Variants in PPP3CA observed in about 807,000 individuals in gnomAD.
PPP3CA encodes protein phosphatase 3 catalytic subunit alpha, also known as CAM-PRP catalytic subunit.
In PPP3CA, 14 loss-of-function variants were observed where a neutral mutation model predicts 66.5. The observed-to-expected ratio is 0.21, with a 90% CI of 0.14 to 0.33. The LOEUF (loss-of-function observed/expected upper bound fraction) is 0.33. Ranked by LOEUF, PPP3CA falls within the 10% of genes least tolerant of loss-of-function variation. PPP3CA has a pLI of 1.00. For missense variants in PPP3CA, 317 were observed against 639.5 expected (o/e 0.50, Z 5.44); for synonymous variants, 232 against 226.2 (o/e 1.03, Z -0.23).
At chr4:101,346,061 T>TCCCGCGCCC (rs1330762318) in intron 1 of PPP3CA, among the ~76,000 whole-genome samples, 18 of 151,988 alleles carry the variant, frequency 1.2e-4, no homozygotes, top group Non-Finnish European at 2.1e-4. Context: ...GTTCCCCGCC[T>TCCCGCGCCC]CCCGCGCCCC....
At chr4:101,112,200 T>C (rs754710054) in intron 2 of PPP3CA, among the ~76,000 whole-genome samples, 1 of 152,010 alleles carries the variant, frequency 6.6e-6, no homozygotes, top group African/African-American at 2.4e-5. Flanking sequence ...GAAAAAAAAA[T>C]GTCTCTAGAC....
At chr4:101,262,859 A>C (rs1727050969) in intron 1 of PPP3CA, among the ~76,000 whole-genome samples, 1 of 152,154 alleles carries the variant, frequency 6.6e-6, no homozygotes, top group Non-Finnish European at 1.5e-5. Flanking sequence ...AATTTGTATT[A>C]AGCTTTACAC....
chr4:101,184,898 C>A (rs534021792), intron 2 of PPP3CA, among the ~76,000 whole-genome samples: 10 of 152,224 alleles, frequency 6.6e-5, no homozygotes, highest in Admixed American at 5.2e-4. Flanking sequence ...TATGGCTGCA[C>A]ACTGCCGCAT....
chr4:101,267,574 T>C (rs1278427941), intron 1 of PPP3CA, among the ~76,000 whole-genome samples: 3 of 151,996 alleles, frequency 2.0e-5, no homozygotes, highest in Non-Finnish European at 4.4e-5. Flanking sequence ...TATACTGAGA[T>C]GGGAGGCAGG....
chr4:101,153,181 A>G (rs1360758420), intron 2 of PPP3CA, among the ~76,000 whole-genome samples: 1 of 152,168 alleles, frequency 6.6e-6, no homozygotes, highest in Non-Finnish European at 1.5e-5. Context: ...ATGCTATTAA[A>G]GGGTTTTGTG....
chr4:101,329,031 T>C (rs1399493628), intron 1 of PPP3CA, among the ~76,000 whole-genome samples: 2 of 152,058 alleles, frequency 1.3e-5, no homozygotes, highest in Non-Finnish European at 1.5e-5. Flanking sequence ...GTTGCACATG[T>C]TTCACTTTAA....
chr4:101,313,273 T>A (rs1014701571), intron 1 of PPP3CA, among the ~76,000 whole-genome samples: 17 of 152,264 alleles, frequency 1.1e-4, no homozygotes, highest in Middle Eastern at 6.8e-3. Context: ...ACAATTCTCC[T>A]ACCTCAGCAT....
intron 1 of PPP3CA, among the ~76,000 whole-genome samples, chr4:101,287,642 C>T (rs866841917): frequency 2.6e-5 from 4 of 152,126 alleles, no homozygotes; most frequent in Non-Finnish European, 5.9e-5. Context: ...ATTCTACAGC[C>T]AGGACAAGAA....
chr4:101,345,828 A>G lies in PPP3CA; in HGVS notation c.58+911T>C, dbSNP rs140967622. On this transcript the variant is annotated intron_variant, in intron 1 of 13. Coordinates refer to ENST00000394854, the MANE Select transcript of PPP3CA (RefSeq NM_000944.5). ...CGGCGAAGAGGAGGCAATAATAGGA[A>G]TCCAACAGCCCGTTACAAAAAGGAT... Among the ~76,000 whole-genome samples, 468 of 152,316 alleles carry G rather than the reference A, an allele frequency of 3.1e-3. 2 individuals carry two copies. Among genetic ancestry groups the G allele is most frequent in the Middle Eastern group, 0.02 (6 of 294 alleles).
chr4:101,242,562 T>C (rs1270648861), intron 1 of PPP3CA, among the ~76,000 whole-genome samples: 1 of 152,080 alleles, frequency 6.6e-6, no homozygotes, highest in Non-Finnish European at 1.5e-5. Flanking sequence ...AACTGAATTC[T>C]CCACCCATAT....
intron 2 of PPP3CA, among the ~76,000 whole-genome samples, chr4:101,138,928 C>A (rs150119589): frequency 0.04 from 6,053 of 152,108 alleles, 201 homozygotes; most frequent in Middle Eastern, 0.11. Flanking sequence ...TAAATAATGT[C>A]AAAATATTAT....
chr4:101,239,521 T>C (rs910128128), intron 1 of PPP3CA, among the ~76,000 whole-genome samples: 1 of 151,992 alleles, frequency 6.6e-6, no homozygotes, highest in African/African-American at 2.4e-5. Context: ...GGAAATTTAG[T>C]TATCACAATT....
chr4:101,201,892 T>C (rs556267918), intron 1 of PPP3CA, among the ~76,000 whole-genome samples: 5 of 152,270 alleles, frequency 3.3e-5, no homozygotes, highest in Admixed American at 6.5e-5. Context: ...CAGCAGCACC[T>C]ATTAGGCACC....
intron 1 of PPP3CA, among the ~76,000 whole-genome samples, chr4:101,306,137 G>T (rs1728528928): frequency 6.6e-6 from 1 of 152,156 alleles, no homozygotes; most frequent in Non-Finnish European, 1.5e-5. Flanking sequence ...TCTTTGTCAT[G>T]TCCATGGAAC....
chr4:101,267,365 T>A (rs1727200168), intron 1 of PPP3CA, among the ~76,000 whole-genome samples: 1 of 152,174 alleles, frequency 6.6e-6, no homozygotes, highest in Admixed American at 6.6e-5. Flanking sequence ...TTCCAACCAA[T>A]ATTTCTCAGG....
At chr4:101,168,897 C>T (rs1425091746) in intron 2 of PPP3CA, among the ~76,000 whole-genome samples, 2 of 152,132 alleles carry the variant, frequency 1.3e-5, no homozygotes, top group East Asian at 1.9e-4. Context: ...GATACATGTG[C>T]TAAATCCACC....
intron 1 of PPP3CA, among the ~76,000 whole-genome samples, chr4:101,252,696 A>G (rs1003997056): frequency 5.3e-5 from 8 of 152,214 alleles, no homozygotes; most frequent in African/African-American, 1.7e-4. Flanking sequence ...ACTTGAAAGT[A>G]TAAGAAAATT....
chr4:101,091,305 A>G (rs1202354520), intron 6 of PPP3CA, among the ~76,000 whole-genome samples: 1 of 152,204 alleles, frequency 6.6e-6, no homozygotes, highest in Non-Finnish European at 1.5e-5. Flanking sequence ...ACTTTTCACT[A>G]TAAATTTAAA....
At chr4:101,314,437 A>G (rs1728823159) in intron 1 of PPP3CA, among the ~76,000 whole-genome samples, 1 of 151,820 alleles carries the variant, frequency 6.6e-6, no homozygotes, top group South Asian at 2.1e-4. Context: ...GGTGGCGGGC[A>G]CCTGTAGTCC....
Sources: gnomAD v4.1 joint callset for allele counts (sites outside exome capture counted in the v4.1 genomes callset) on GRCh38, gnomAD v4.1.1 for gene constraint, MANE v1.5 for transcripts, NCBI Gene and HGNC (gene_info 2026-07-23, HGNC 2026-07-21) for gene names.